ADGRV1: variants seen among roughly 807,000 people sequenced by gnomAD.
ADGRV1 encodes the protein G-protein coupled receptor 98.
Under a neutral mutation model 596.2 loss-of-function variants are expected in ADGRV1, and 359 were observed. The ratio of observed to expected loss-of-function variants is 0.60; its 90% CI spans 0.55 to 0.66. ADGRV1 has a LOEUF of 0.66. Among genes scored for constraint, ADGRV1 ranks in the 30% least tolerant of loss-of-function variants. The pLI is 0.00. For synonymous variants in ADGRV1, 2,681 were observed against 2,679.2 expected (o/e 1.00, Z -0.02); for missense variants, 7,274 against 7,575.6 (o/e 0.96, Z 1.48).
At chr5:90,963,774 G>A (rs982449467) in intron 83 of ADGRV1, among the ~76,000 whole-genome samples, 2 of 150,960 alleles carry the variant, frequency 1.3e-5, no homozygotes, top group Non-Finnish European at 3.0e-5. Context: ...TGAAAAAAAA[G>A]ATTTTTTAAA....
chr5:90,748,787 T>C lies in ADGRV1; in HGVS notation c.10975-1764T>C, dbSNP rs1297522133. Among the ~76,000 whole-genome samples the C allele has an allele frequency of 2.6e-5, 4 of 151,402 alleles. No individual in the cohort carries two copies. The East Asian group carries it at 7.8e-4, about 29-fold the overall frequency. ...ATAAAAAGTTTCTTCATGACACTTATAATTGCCTAGTTTGTCTATCATCAA... is the reference window on the plus strand; with the variant it reads ...ATAAAAAGTTTCTTCATGACACTTACAATTGCCTAGTTTGTCTATCATCAA... On this transcript the variant is annotated intron_variant, in intron 52 of 89. Transcript: ENST00000405460.
intron 22 of ADGRV1, 131 bp downstream of exon 22, chr5:90,672,853 C>A: frequency 1.5e-6 from 1 of 655,148 alleles, no homozygotes; most frequent in Middle Eastern, 3.0e-4. Flanking sequence ...GTAACTGATA[C>A]ATTAGAATTT....
chr5:91,008,473 T>C (rs1782463707), intron 85 of ADGRV1, among the ~76,000 whole-genome samples: 1 of 152,118 alleles, frequency 6.6e-6, no homozygotes, highest in Non-Finnish European at 1.5e-5. Flanking sequence ...TTGCTTTTAA[T>C]CTACTTAATT....
Position 90,646,009 on chromosome 5 carries a change from T to C in ADGRV1, c.2940T>C (p.Asn980=). The part of the protein sequence containing the change: ...EMEEFTVILL[N]GTGGAKVGNR... The stretch of plus-strand genomic sequence containing the variant: ...AAGAATTTACCGTTATCCTACTGAA[T>C]GGCACTGGAGGAGCTAAAGTGGGAA... The change falls in exon 16 of 90, where the codon AAT becomes AAC. Residue 980 remains asparagine (N), a synonymous_variant. Coordinates refer to ENST00000405460, the MANE Select transcript of ADGRV1 (RefSeq NM_032119.4). 6.2e-7 allele frequency: 1 copy of C among 1,605,196 alleles called. No individual in the cohort carries two copies. The highest frequency in any genetic ancestry group is 1.1e-5 in the South Asian group (1 of 89,352).
chr5:90,636,248 T>G (rs1223378873), intron 10 of ADGRV1, among the ~76,000 whole-genome samples: 1 of 148,290 alleles, frequency 6.7e-6, no homozygotes, highest in Non-Finnish European at 1.5e-5. Flanking sequence ...AGTTGATCCC[T>G]GAGACCTTCT....
At chr5:91,106,226 T>C (rs1353050405) in intron 87 of ADGRV1, among the ~76,000 whole-genome samples, 1 of 152,134 alleles carries the variant, frequency 6.6e-6, no homozygotes, top group African/African-American at 2.4e-5. Context: ...GACTTTCCTT[T>C]CCCCAATTAA....
At chr5:90,816,287 T>C (rs905294680) in intron 75 of ADGRV1, among the ~76,000 whole-genome samples, 1 of 152,086 alleles carries the variant, frequency 6.6e-6, no homozygotes, top group African/African-American at 2.4e-5. Flanking sequence ...GAGGAACATT[T>C]ACTTGCCTTT....
chr5:91,019,676 T>A (rs1486980232), intron 85 of ADGRV1, among the ~76,000 whole-genome samples: 1 of 152,040 alleles, frequency 6.6e-6, no homozygotes, highest in East Asian at 1.9e-4. Context: ...TATTTTTTAA[T>A]CCTTAAATTC....
At chr5:91,039,855 T>A (rs1331074058) in intron 85 of ADGRV1, among the ~76,000 whole-genome samples, 16 of 152,136 alleles carry the variant, frequency 1.1e-4, no homozygotes, top group Non-Finnish European at 2.9e-5. Flanking sequence ...TGTACAAGGA[T>A]GAATAAAAAG....
intron 85 of ADGRV1, among the ~76,000 whole-genome samples, chr5:91,043,919 A>T (rs902918013): frequency 2.6e-5 from 4 of 151,642 alleles, no homozygotes; most frequent in Admixed American, 1.3e-4. Flanking sequence ...ATTATATTTT[A>T]TATTTATTTT....
At chr5:90,698,260 C>G (rs963903794) in intron 34 of ADGRV1, among the ~76,000 whole-genome samples, 1 of 152,134 alleles carries the variant, frequency 6.6e-6, no homozygotes, top group Non-Finnish European at 1.5e-5. Flanking sequence ...ATAATGACAA[C>G]AGTAACACTT....
In ADGRV1 at chr5:90,658,131, G is replaced by A. The variant is rs182383686; in HGVS notation, c.4605G>A (p.Glu1535=). The A allele has an allele frequency of 4.3e-4, 697 of 1,613,582 alleles. 5 individuals carry two copies. Among genetic ancestry groups the A allele is most frequent in the Non-Finnish European group, 2.6e-5 (31 of 1,179,640 alleles). ...TTTCTGCAAGAGATGACAATGACGA[G>A]GAAGGAGAAGAATTATTCATTCTTA... ...FIISARDDND[E]EGEELFILKL... The change falls in exon 21 of 90, where the codon GAG becomes GAA. Residue 1535 remains glutamate, a synonymous_variant. Coordinates refer to ENST00000405460, the MANE Select transcript of ADGRV1 (RefSeq NM_032119.4).
chr5:91,007,333 T>C (rs1477917552), intron 85 of ADGRV1, among the ~76,000 whole-genome samples: 1 of 152,126 alleles, frequency 6.6e-6, no homozygotes, highest in Non-Finnish European at 1.5e-5. Flanking sequence ...AAAATGTTTT[T>C]TAACATATAC....
chr5:90,643,101 A>G, intron 13 of ADGRV1, 60 bp downstream of exon 13: 1 of 1,341,578 alleles, frequency 7.5e-7, no homozygotes, highest in South Asian at 1.4e-5. Flanking sequence ...TTGGTATATT[A>G]TGAATATAAA....
intron 85 of ADGRV1, among the ~76,000 whole-genome samples, chr5:91,041,040 G>A (rs1056386703): frequency 6.6e-6 from 1 of 152,172 alleles, no homozygotes; most frequent in Non-Finnish European, 1.5e-5. Context: ...CTGTTGGTGG[G>A]AGTGTAAATT....
At chr5:90,969,788 C>T (rs1446958634) in intron 84 of ADGRV1, among the ~76,000 whole-genome samples, 1 of 152,202 alleles carries the variant, frequency 6.6e-6, no homozygotes, top group Non-Finnish European at 1.5e-5. Flanking sequence ...TCTACAGCTC[C>T]TAGCGTGAGC....
At chr5:91,092,942 C>A (rs1034945541) in intron 86 of ADGRV1, among the ~76,000 whole-genome samples, 1 of 152,098 alleles carries the variant, frequency 6.6e-6, no homozygotes, top group Non-Finnish European at 1.5e-5. Flanking sequence ...GTGCTGAGTG[C>A]TTTGTGTGCA....
intron 85 of ADGRV1, among the ~76,000 whole-genome samples, chr5:91,004,231 CT>C (rs750888409): frequency 6.6e-6 from 1 of 152,030 alleles, no homozygotes; most frequent in Non-Finnish European, 1.5e-5. Context: ...TATTTTCTTC[CT>C]GCATGAATGA....
chr5:90,595,344 C>A (rs1187890962), intron 1 of ADGRV1, among the ~76,000 whole-genome samples: 3 of 53,058 alleles, frequency 5.7e-5, no homozygotes, highest in Admixed American at 1.6e-4. Context: ...GGGGGCTGAC[C>A]CCCCCACCTC....
Sources: allele counts gnomAD v4.1 joint callset (sites outside exome capture counted in the v4.1 genomes callset), GRCh38; gene constraint gnomAD v4.1.1; transcripts MANE v1.5; gene names NCBI Gene and HGNC (gene_info 2026-07-23, HGNC 2026-07-21).